Variants in ZFAT observed in about 807,000 individuals in gnomAD.
ZFAT encodes zinc finger and AT-hook domain containing.
ZFAT carries 64 observed loss-of-function variants against 117.7 expected under a neutral mutation model. That is an observed-to-expected ratio of 0.54 (90% CI 0.44 to 0.67). The LOEUF is 0.67. Among genes scored for constraint, ZFAT ranks in the 30% least tolerant of loss-of-function variants. ZFAT has a pLI of 0.00. For synonymous variants in ZFAT, 679 were observed against 615.0 expected (o/e 1.10, Z -1.54); for missense variants, 1,433 against 1,584.5 (o/e 0.90, Z 1.62).
chr8:134,625,210 C>G (rs542832898), intron 3 of ZFAT, among the ~76,000 whole-genome samples: 42 of 152,382 alleles, frequency 2.8e-4, no homozygotes, highest in African/African-American at 9.1e-4. Context: ...CCAGCATGTG[C>G]TCTTCCCAAT....
chr8:134,650,834 T>G (rs1056920891), intron 2 of ZFAT, among the ~76,000 whole-genome samples: 1 of 152,228 alleles, frequency 6.6e-6, no homozygotes, highest in East Asian at 1.9e-4. Flanking sequence ...CAAATGATGT[T>G]GGGACAACTG....
rs772520066 is a variant in ZFAT at position 134,565,499 on chromosome 8, C to T, written c.2888-78G>A. On this transcript the variant is annotated intron_variant, in intron 10 of 15. Transcript: ENST00000377838. ...GTGAATGAAGTGCCAGGCATGGAGC[C>T]AGGTACACAAAGGTGTTCCTTGCCA... is the stretch of plus-strand genomic sequence containing the variant. The T allele has an allele frequency of 2.2e-6, 3 of 1,360,150 alleles. No homozygotes were observed. In the African/African-American group the frequency reaches 4.3e-5, roughly 20 times the overall value. 84.3% of individuals were successfully genotyped at this position (1,360,150 alleles called of 1,614,324 possible).
chr8:134,605,942 G>T (rs1345687049), intron 5 of ZFAT, among the ~76,000 whole-genome samples: 1 of 152,178 alleles, frequency 6.6e-6, no homozygotes, highest in Non-Finnish European at 1.5e-5. Flanking sequence ...AAGGATAACG[G>T]CCGGACACTC....
chr8:134,707,298 C>T (rs566834863), intron 1 of ZFAT, among the ~76,000 whole-genome samples: 6 of 152,286 alleles, frequency 3.9e-5, no homozygotes, highest in Admixed American at 3.9e-4. Flanking sequence ...TACAGGAATC[C>T]GTTTTCCACT....
chr8:134,707,076 T>G (rs1586976383), intron 1 of ZFAT, among the ~76,000 whole-genome samples: 1 of 152,154 alleles, frequency 6.6e-6, no homozygotes, highest in East Asian at 1.9e-4. Flanking sequence ...CCAAACTCAG[T>G]GCTCACCTGG....
At chr8:134,610,790 TC>T in intron 3 of ZFAT, 135 bp from the exon 4 acceptor site, 1 of 958,822 alleles carries the variant, frequency 1.0e-6, no homozygotes, top group Non-Finnish European at 1.5e-6. Flanking sequence ...GACCACGGAA[TC>T]ACTGTAGGTA....
intron 14 of ZFAT, among the ~76,000 whole-genome samples, chr8:134,511,635 C>T (rs1269649208): frequency 6.6e-6 from 1 of 152,172 alleles, no homozygotes; most frequent in Non-Finnish European, 1.5e-5. Context: ...CCCTTTTAAC[C>T]CAACCTGCTT....
chr8:134,556,006 A>AGGCG (rs1244258407), intron 11 of ZFAT, among the ~76,000 whole-genome samples: 3 of 96,756 alleles, frequency 3.1e-5, no homozygotes, highest in African/African-American at 4.0e-5. Flanking sequence ...GAGGGAGGGA[A>AGGCG]GGTGGGAGGG....
chr8:134,547,401 G>A (rs1437284027), intron 11 of ZFAT, among the ~76,000 whole-genome samples: 1 of 152,166 alleles, frequency 6.6e-6, no homozygotes, highest in Non-Finnish European at 1.5e-5. Context: ...TGTTTTCACA[G>A]CAGCAATTCC....
chr8:134,763,475 C>A, the ZFAT span, among the ~76,000 whole-genome samples: 1 of 152,228 alleles, frequency 6.6e-6, no homozygotes. Flanking sequence ...AAGACATACA[C>A]TTGACCTCCC....
At chr8:134,623,730 A>G (rs527981199) in intron 3 of ZFAT, among the ~76,000 whole-genome samples, 1 of 151,678 alleles carries the variant, frequency 6.6e-6, no homozygotes, top group African/African-American at 2.4e-5. Flanking sequence ...AGCAAATGCT[A>G]TTTCCTCTTG....
At chr8:134,552,508 T>C (rs940069580) in intron 11 of ZFAT, among the ~76,000 whole-genome samples, 2 of 152,254 alleles carry the variant, frequency 1.3e-5, no homozygotes, top group African/African-American at 2.4e-5. Flanking sequence ...CAACAGGCAA[T>C]AGATTTCTCC....
chr8:134,753,181 A>G, the ZFAT span, among the ~76,000 whole-genome samples: 1 of 152,178 alleles, frequency 6.6e-6, no homozygotes, highest in South Asian at 2.1e-4. Flanking sequence ...AACCTGGGCT[A>G]CAGAGTGAGT....
intron 12 of ZFAT, among the ~76,000 whole-genome samples, chr8:134,529,044 G>A (rs552094584): frequency 3.3e-4 from 51 of 152,320 alleles, no homozygotes; most frequent in African/African-American, 1.2e-3. Context: ...CAACTGCTGT[G>A]GAGGTAGGTT....
the ZFAT span, among the ~76,000 whole-genome samples, chr8:134,831,685 C>A: frequency 2.6e-5 from 4 of 152,234 alleles, no homozygotes; most frequent in African/African-American, 7.2e-5. Flanking sequence ...ACTTCACGAG[C>A]CCCGGGGAGG....
chr8:134,749,256 T>C, the ZFAT span, among the ~76,000 whole-genome samples: 3 of 152,250 alleles, frequency 2.0e-5, no homozygotes. Flanking sequence ...AAAAGCTTAG[T>C]ATTTAGCCTT....
chr8:134,668,509 C>G (rs1265967045), intron 1 of ZFAT, among the ~76,000 whole-genome samples: 1 of 152,228 alleles, frequency 6.6e-6, no homozygotes, highest in Non-Finnish European at 1.5e-5. Flanking sequence ...GAGTGGACCT[C>G]CAGCAAACTC....
chr8:134,710,164 C>A (rs1806755), intron 1 of ZFAT, among the ~76,000 whole-genome samples: 42,655 of 152,116 alleles, frequency 0.28, 6,303 homozygotes, highest in East Asian at 0.38. Flanking sequence ...TCTATATAAG[C>A]AACAACGTGG....
At chr8:134,762,918 A>C in the ZFAT span, among the ~76,000 whole-genome samples, 1 of 152,190 alleles carries the variant, frequency 6.6e-6, no homozygotes, top group Admixed American at 6.5e-5. Flanking sequence ...CCCATTGCTC[A>C]GGTCAACATA....
Sources: allele counts gnomAD v4.1 joint callset (sites outside exome capture counted in the v4.1 genomes callset), GRCh38; gene constraint gnomAD v4.1.1; transcripts MANE v1.5; gene names NCBI Gene and HGNC (gene_info 2026-07-23, HGNC 2026-07-21).